Variants in PCYT1B observed in about 807,000 individuals in gnomAD.
PCYT1B encodes the protein phosphate cytidylyltransferase 1B, choline.
A neutral mutation model predicts 26.4 loss-of-function variants in PCYT1B; 10 were observed. The ratio of observed to expected loss-of-function variants is 0.38; its 90% CI spans 0.23 to 0.64. The LOEUF (loss-of-function observed/expected upper bound fraction) is 0.64. Among genes scored for constraint, PCYT1B ranks in the 30% least tolerant of loss-of-function variants. PCYT1B has a pLI of 0.56. For synonymous variants in PCYT1B, 131 were observed against 108.4 expected (o/e 1.21, Z -1.29); for missense variants, 161 against 292.7 (o/e 0.55, Z 3.28).
In PCYT1B at chrX:24,570,699, C is replaced by A. The variant is rs953975040; in HGVS notation, c.897+4431G>T. Among the ~76,000 whole-genome samples, 9 of 111,521 alleles carry A rather than the reference C, an allele frequency of 8.1e-5. No homozygotes were observed. The Admixed American group carries it at 8.6e-4, about 11-fold the overall frequency. On this transcript the variant is annotated intron_variant, in intron 7 of 7. Transcript: ENST00000379144. ...ACCAAGTTTTGAGGTAATTTGTTAC[C>A]ACCAAAAGCTAACTAATAGGCATGG...
At chrX:24,563,491 TGGG>T (rs1433152450) in intron 7 of PCYT1B, among the ~76,000 whole-genome samples, 1 of 111,166 alleles carries the variant, frequency 9.0e-6, no homozygotes, top group Non-Finnish European at 1.9e-5. Context: ...GGCTGATAGA[TGGG>T]GAGGAGCTGA....
intron 7 of PCYT1B, among the ~76,000 whole-genome samples, chrX:24,562,746 G>C (rs982570904): frequency 1.6e-5 from 1 of 63,977 alleles, no homozygotes; most frequent in Admixed American, 1.9e-4. Flanking sequence ...TTTTTTTTTT[G>C]AGACAGAGTC....
chrX:24,596,682 A>G (rs1437153747), intron 3 of PCYT1B, among the ~76,000 whole-genome samples: 1 of 110,639 alleles, frequency 9.0e-6, no homozygotes, highest in African/African-American at 3.3e-5. Context: ...TGAGAAATAG[A>G]CTATAGTACC....
At chrX:24,666,973 G>A (rs1184685466) in intron 1 of PCYT1B, among the ~76,000 whole-genome samples, 1 of 109,478 alleles carries the variant, frequency 9.1e-6, no homozygotes, top group East Asian at 2.9e-4. Context: ...CTCCACATCT[G>A]CTTGCATGGT....
At chrX:24,656,716 C>T (rs898170979) in intron 1 of PCYT1B, among the ~76,000 whole-genome samples, 3 of 107,458 alleles carry the variant, frequency 2.8e-5, no homozygotes, top group African/African-American at 1.0e-4. Context: ...CCACCACACC[C>T]GGCTAATTTT....
At chrX:24,629,430 C>T (rs778327500) in intron 1 of PCYT1B, among the ~76,000 whole-genome samples, 30 of 106,134 alleles carry the variant, frequency 2.8e-4, no homozygotes, top group Admixed American at 2.5e-3. Flanking sequence ...TGGTGGTGTA[C>T]GCCTGTAGTC....
At chrX:24,578,101 A>G (rs1030362732) in intron 6 of PCYT1B, among the ~76,000 whole-genome samples, 29 of 111,681 alleles carry the variant, frequency 2.6e-4, no homozygotes, top group Non-Finnish European at 5.3e-4. Flanking sequence ...ACGCCCATCA[A>G]TGATAGACTG....
rs549184209 is a variant in PCYT1B at position 24,594,149 on chromosome X, A to G, written c.335-3975T>C. On this transcript the variant is annotated intron_variant, in intron 3 of 7. Transcript: ENST00000379144. Reference sequence around the variant, plus strand: ...CAGAGATGATTCTGATGAAGACAACATTTGAAAACCCTGAAGCATATTATA... The same window carrying G: ...CAGAGATGATTCTGATGAAGACAACGTTTGAAAACCCTGAAGCATATTATA... Among the ~76,000 whole-genome samples, 4 of 111,334 alleles carry G rather than the reference A, an allele frequency of 3.6e-5. No homozygotes were observed. In the South Asian group the frequency reaches 1.5e-3, roughly 43 times the overall value.
chrX:24,632,844 G>T (rs1011015797), intron 1 of PCYT1B, among the ~76,000 whole-genome samples: 1 of 111,138 alleles, frequency 9.0e-6, no homozygotes, highest in African/African-American at 3.3e-5. Context: ...TAGATAGAAG[G>T]AATAAATTCT....
rs1927203085 is a variant in PCYT1B, at chrX:24,669,887, T to G, written c.63+2683A>C. On this transcript the variant is annotated intron_variant, in intron 1 of 7. Transcript: ENST00000379145. ...CAAAACCCCCATCTCTACAAAATAT[T>G]TAAAAATTAGCCAGATGTGGTGGTG... 2.8e-5 allele frequency among the ~76,000 whole-genome samples: 3 copies of G among 107,468 alleles called. No individual in the cohort carries two copies. In the Admixed American group the frequency reaches 3.1e-4, roughly 11 times the overall value. The allele number at this position is 107,468 out of a possible 115,157, so 93.3% of individuals were successfully genotyped here.
intron 1 of PCYT1B, among the ~76,000 whole-genome samples, chrX:24,623,555 T>C (rs1267263893): frequency 9.1e-6 from 1 of 109,741 alleles, no homozygotes; most frequent in African/African-American, 3.3e-5. Context: ...AAAACTTCTT[T>C]CTACCTAATT....
intron 3 of PCYT1B, among the ~76,000 whole-genome samples, chrX:24,601,460 T>C (rs1924959187): frequency 9.7e-6 from 1 of 103,271 alleles, no homozygotes; most frequent in Non-Finnish European, 1.9e-5. Flanking sequence ...GCCACTGCAC[T>C]GCAGCCCGGG....
chrX:24,630,530 C>T (rs1338900492), intron 1 of PCYT1B, among the ~76,000 whole-genome samples: 1 of 111,907 alleles, frequency 8.9e-6, no homozygotes. Context: ...CTCCTGACCT[C>T]GTGATCCGCC....
At chrX:24,581,591 C>T (rs1924208056) in intron 5 of PCYT1B, among the ~76,000 whole-genome samples, 1 of 112,234 alleles carries the variant, frequency 8.9e-6, no homozygotes, top group African/African-American at 3.2e-5. Context: ...TGGACCACTC[C>T]CCTTCCCTCC....
intron 1 of PCYT1B, among the ~76,000 whole-genome samples, chrX:24,667,118 C>T (rs761466234): frequency 2.7e-5 from 3 of 110,335 alleles, no homozygotes; most frequent in South Asian, 3.9e-4. Context: ...GCCAGATTCA[C>T]GTCGCTTCTT....
intron 1 of PCYT1B, among the ~76,000 whole-genome samples, chrX:24,638,493 A>G (rs1253397904): frequency 8.9e-6 from 1 of 112,374 alleles, no homozygotes; most frequent in Non-Finnish European, 1.9e-5. Flanking sequence ...ACGGGTAATC[A>G]GATCCTAGCA....
chrX:24,638,585 CT>C (rs1386796339), intron 1 of PCYT1B, among the ~76,000 whole-genome samples: 23 of 111,499 alleles, frequency 2.1e-4, no homozygotes, highest in Admixed American at 5.8e-4. Flanking sequence ...ACCTTCCTTG[CT>C]TTTTTTTCCT....
chrX:24,666,801 C>A (rs1201598141), intron 1 of PCYT1B, among the ~76,000 whole-genome samples: 2 of 111,528 alleles, frequency 1.8e-5, no homozygotes, highest in Non-Finnish European at 3.8e-5. Flanking sequence ...GCACCATTTT[C>A]TTTACCCCAT....
chrX:24,613,117 T>A (rs1476238708), intron 2 of PCYT1B, among the ~76,000 whole-genome samples: 1 of 111,851 alleles, frequency 8.9e-6, no homozygotes, highest in Non-Finnish European at 1.9e-5. Context: ...ACGATGATGT[T>A]TGAGTGCAAA....
Sources: allele counts gnomAD v4.1 joint callset (sites outside exome capture counted in the v4.1 genomes callset), GRCh38; gene constraint gnomAD v4.1.1; transcripts MANE v1.5; gene names NCBI Gene and HGNC (gene_info 2026-07-23, HGNC 2026-07-21).